Variants in TAMM41 observed in about 807,000 individuals in gnomAD.
TAMM41 encodes the protein phosphatidate cytidylyltransferase, mitochondrial.
Under a neutral mutation model 44.1 loss-of-function variants are expected in TAMM41, and 36 were observed. The observed-to-expected ratio is 0.82, with a 90% CI of 0.63 to 1.08. The LOEUF is 1.08. Ranked by LOEUF, TAMM41 falls within the 50% of genes least tolerant of loss-of-function variation. The pLI, the probability that TAMM41 is intolerant of heterozygous loss-of-function variation, is 0.00. For synonymous variants in TAMM41, 164 were observed against 153.1 expected, an observed-to-expected ratio of 1.07 and a Z score of -0.53; for missense variants, 417 against 404.3, an observed-to-expected ratio of 1.03 and a Z score of -0.27.
At chr3:11,726,676 G>A in the TAMM41 span, among the ~76,000 whole-genome samples, 1 of 151,988 alleles carries the variant, frequency 6.6e-6, no homozygotes, top group African/African-American at 2.4e-5. Context: ...TGTGGAATGT[G>A]CCTGTAATCC....
rs966844742 is a variant in TAMM41, at chr3:11,846,824, G to T, written c.-188C>A. On this transcript the variant is annotated 5_prime_UTR_variant, in exon 1 of 8. Transcript: ENST00000455809. ...GGGGCGTTGGGCCACGAAGAGCAGC[G>T]GCGAGAAGACGCAGCCCAGATAGGC... 4 of 718,618 alleles carry T rather than the reference G, an allele frequency of 5.6e-6. No homozygotes were observed. In the Admixed American group the frequency reaches 1.1e-4, roughly 20 times the overall value. The allele number at this position is 718,618 out of a possible 1,614,324, so 44.5% of individuals were successfully genotyped here.
At chr3:11,801,634 T>C (rs1426130914) in intron 7 of TAMM41, among the ~76,000 whole-genome samples, 1 of 152,042 alleles carries the variant, frequency 6.6e-6, no homozygotes, top group Non-Finnish European at 1.5e-5. Flanking sequence ...CCTTAAAAAT[T>C]TTTGGAAACA....
chr3:11,808,311 C>T, intron 6 of TAMM41: 1 of 1,020,182 alleles, frequency 9.8e-7, no homozygotes, highest in Non-Finnish European at 1.2e-6. Flanking sequence ...ACGGATTCCA[C>T]AGTGAGGAAC....
chr3:11,794,410 T>C (rs1393080882), intron 7 of TAMM41, among the ~76,000 whole-genome samples: 13 of 152,148 alleles, frequency 8.5e-5, no homozygotes, highest in Admixed American at 8.5e-4. Flanking sequence ...AGTGCTAGGA[T>C]TACAGGTGTG....
chr3:11,811,795 G>A (rs745746802), intron 5 of TAMM41, among the ~76,000 whole-genome samples: 14 of 152,212 alleles, frequency 9.2e-5, no homozygotes, highest in Non-Finnish European at 1.8e-4. Flanking sequence ...GGGGAGAGCT[G>A]GGGACGGCTA....
chr3:11,813,991 T>TACACAC lies in TAMM41; in HGVS notation c.708+3195_708+3200dup, dbSNP rs35804902. Among the ~76,000 whole-genome samples, 1,107 of 145,934 alleles carry TACACAC rather than the reference T, an allele frequency of 7.6e-3. 6 individuals are homozygous for TACACAC. Among genetic ancestry groups the TACACAC allele is most frequent in the African/African-American group, 0.015 (595 of 39,668 alleles). The stretch of plus-strand genomic sequence containing the variant: ...ACACACATACACACACACCTGTGTA[T>TACACAC]ACACACACACACACACACACACACA... On this transcript the variant is annotated intron_variant, in intron 5 of 7. Transcript: ENST00000455809.
chr3:11,776,680 C>G, the TAMM41 span, among the ~76,000 whole-genome samples: 1 of 152,178 alleles, frequency 6.6e-6, no homozygotes, highest in Non-Finnish European at 1.5e-5. Flanking sequence ...ACGCATTTCT[C>G]AGAGGGTATC....
chr3:11,793,021 A>G (rs2124913236), intron 7 of TAMM41, among the ~76,000 whole-genome samples: 1 of 138,752 alleles, frequency 7.2e-6, no homozygotes, highest in Non-Finnish European at 1.5e-5. Context: ...AGATCACGCC[A>G]CTGCACTCCA....
At chr3:11,726,812 AAAAAAAG>A in the TAMM41 span, among the ~76,000 whole-genome samples, 20 of 151,648 alleles carry the variant, frequency 1.3e-4, no homozygotes, top group Non-Finnish European at 1.2e-4. Flanking sequence ...AAAAAAAAAA[AAAAAAAG>A]AAAAAAGAAA....
At chr3:11,769,067 G>T in the TAMM41 span, among the ~76,000 whole-genome samples, 1 of 152,164 alleles carries the variant, frequency 6.6e-6, no homozygotes, top group South Asian at 2.1e-4. Context: ...GTGGAAGGGA[G>T]TGGACCACGT....
intron 5 of TAMM41, among the ~76,000 whole-genome samples, chr3:11,814,216 C>A (rs1350445043): frequency 6.6e-6 from 1 of 151,698 alleles, no homozygotes; most frequent in Non-Finnish European, 1.5e-5. Context: ...AAAATCAGGC[C>A]AGGAAGGAAA....
the TAMM41 span, among the ~76,000 whole-genome samples, chr3:11,758,383 G>T: frequency 6.6e-6 from 1 of 152,136 alleles, no homozygotes; most frequent in Admixed American, 6.6e-5. Flanking sequence ...ACGGAGTCTC[G>T]CTCTGTTGCC....
chr3:11,822,868 A>G lies in TAMM41; in HGVS notation c.563-5531T>C, dbSNP rs112342750. The stretch of plus-strand genomic sequence containing the variant: ...TACGTACAAGTTTTTGTGTGGACAT[A>G]TGTTTCATTTCTCATAGGTAGATAT... On this transcript the variant is annotated intron_variant, in intron 4 of 7. Coordinates refer to ENST00000455809, the MANE Select transcript of TAMM41 (RefSeq NM_001284401.2). Among the ~76,000 whole-genome samples the G allele has an allele frequency of 1.7e-3, 260 of 152,278 alleles. 1 individual carries two copies. Among genetic ancestry groups the G allele is most frequent in the African/African-American group, 5.8e-3 (239 of 41,552 alleles).
chr3:11,798,401 A>T (rs2077663221), intron 7 of TAMM41, among the ~76,000 whole-genome samples: 1 of 152,178 alleles, frequency 6.6e-6, no homozygotes, highest in South Asian at 2.1e-4. Flanking sequence ...ACAGCAACAG[A>T]AAACCAAATG....
chr3:11,837,199 T>C (rs935199129), intron 3 of TAMM41, among the ~76,000 whole-genome samples: 2 of 152,170 alleles, frequency 1.3e-5, no homozygotes, highest in African/African-American at 4.8e-5. Context: ...CTGTCATTTT[T>C]CCCATAGATA....
chr3:11,841,343 A>G (rs1369727427), intron 2 of TAMM41, among the ~76,000 whole-genome samples: 1 of 152,126 alleles, frequency 6.6e-6, no homozygotes, highest in Non-Finnish European at 1.5e-5. Context: ...TTGGCCTCCC[A>G]AAGTGCTAGG....
chr3:11,778,614 C>CT, the TAMM41 span, among the ~76,000 whole-genome samples: 7 of 151,296 alleles, frequency 4.6e-5, no homozygotes, highest in African/African-American at 7.3e-5. Context: ...TTTTTTTGTC[C>CT]TTTTTTTTTC....
intron 4 of TAMM41, 105 bp downstream of exon 4, chr3:11,829,609 C>T: frequency 3.0e-6 from 4 of 1,347,502 alleles, no homozygotes; most frequent in South Asian, 1.3e-5. Flanking sequence ...ACGTGATTTA[C>T]AACTAAGACT....
the TAMM41 span, among the ~76,000 whole-genome samples, chr3:11,737,668 A>C: frequency 6.6e-6 from 1 of 152,172 alleles, no homozygotes; most frequent in African/African-American, 2.4e-5. Flanking sequence ...TATATCATCA[A>C]ACTAAATATA....
Sources: gnomAD v4.1 joint callset for allele counts (sites outside exome capture counted in the v4.1 genomes callset) on GRCh38, gnomAD v4.1.1 for gene constraint, MANE v1.5 for transcripts, NCBI Gene and HGNC (gene_info 2026-07-23, HGNC 2026-07-21) for gene names.